TPX2: variants seen among roughly 807,000 people sequenced by gnomAD.
The protein encoded by TPX2 is targeting protein for Xklp2.
Under a neutral mutation model 93.6 loss-of-function variants are expected in TPX2, and 21 were observed. The observed-to-expected ratio is 0.22, with a 90% confidence interval of 0.16 to 0.32. The LOEUF (loss-of-function observed/expected upper bound fraction) is 0.32, where lower values mean the gene tolerates loss of function less well. Among genes scored for constraint, TPX2 ranks in the 10% least tolerant of loss-of-function variants. The pLI is 1.00. For synonymous variants in TPX2, 281 were observed against 298.3 expected (o/e 0.94, Z 0.60); for missense variants, 776 against 871.1 (o/e 0.89, Z 1.37).
At chr20:31,789,631 A>C (rs1028861851) in intron 12 of TPX2, among the ~76,000 whole-genome samples, 10 of 151,716 alleles carry the variant, frequency 6.6e-5, no homozygotes, top group African/African-American at 2.2e-4. Context: ...ACAAAAAAAA[A>C]CTTTCTTTGT....
chr20:31,772,240 C>T (rs530672530), intron 7 of TPX2, among the ~76,000 whole-genome samples: 73 of 152,162 alleles, frequency 4.8e-4, no homozygotes, highest in South Asian at 3.1e-3. Flanking sequence ...AGGCTGGTCT[C>T]GAATTCCTGA....
At chr20:31,783,611 A>G (rs1318000778) in intron 11 of TPX2, 94 bp from the exon 12 acceptor site, 22 of 1,201,170 alleles carry the variant, frequency 1.8e-5, no homozygotes, top group Non-Finnish European at 2.4e-5. Context: ...CATAATCTTA[A>G]TGATTACTAT....
In TPX2 at chr20:31,797,415, A is replaced by T. The variant is rs767802961; in HGVS notation, c.1845A>T (p.Glu615Asp). ...AQTWKHQLEE[E>D]LRQQKEAACF... ...TTTCTCTCTAATAGCTGGAAGAAGA[A>T]CTGAGACAGCAGAAAGAAGCAGCTT... The change falls in exon 16 of 18, where the codon GAA becomes GAT. Residue 615 changes from glutamate (E) to aspartate (D), a missense_variant. By Grantham distance (45) the Glu-to-Asp change is conservative. Coordinates refer to ENST00000300403, the MANE Select transcript of TPX2 (RefSeq NM_012112.5). The T allele has an allele frequency of 1.2e-5, 19 of 1,614,112 alleles. No individual in the cohort carries two copies. The East Asian group carries it at 4.2e-4, about 36-fold the overall frequency.
intron 15 of TPX2, among the ~76,000 whole-genome samples, chr20:31,795,324 A>G (rs112703794): frequency 3.6e-4 from 55 of 152,120 alleles, no homozygotes; most frequent in African/African-American, 1.3e-3. Context: ...AGTAGAGACA[A>G]GGTTTTGCCA....
At chr20:31,791,018 C>T (rs893526060) in intron 12 of TPX2, among the ~76,000 whole-genome samples, 8 of 151,928 alleles carry the variant, frequency 5.3e-5, no homozygotes, top group South Asian at 2.1e-4. Context: ...TTCAAGCAGC[C>T]GGGGCATTTC....
rs533460809 is a variant in TPX2 at position 31,789,530 on chromosome 20, A to G, written c.1414-3205A>G. On this transcript the variant is annotated intron_variant, in intron 12 of 17. Transcript: ENST00000300403. ...TTACTACGGGGTCTTCTAGTAGGTG[A>G]TATGGGAAGACAAAAGAATGCAAAT... Among the ~76,000 whole-genome samples, 11 of 152,286 alleles carry G rather than the reference A, an allele frequency of 7.2e-5. No homozygotes were observed. In the East Asian group the frequency reaches 2.1e-3, roughly 29 times the overall value.
At chr20:31,786,727 A>T (rs1353503809) in intron 12 of TPX2, among the ~76,000 whole-genome samples, 1 of 152,162 alleles carries the variant, frequency 6.6e-6, no homozygotes, top group East Asian at 1.9e-4. Context: ...GAAAACACTG[A>T]TTAGGAAATT....
intron 13 of TPX2, 32 bp downstream of exon 13, chr20:31,792,862 C>A (rs2062111412): frequency 3.2e-6 from 5 of 1,579,630 alleles, no homozygotes; most frequent in African/African-American, 2.7e-5. Flanking sequence ...GGTTCTTTTT[C>A]CTTCTATATA....
intron 3 of TPX2, among the ~76,000 whole-genome samples, chr20:31,759,503 G>A (rs985591314): frequency 1.3e-5 from 2 of 148,264 alleles, no homozygotes; most frequent in African/African-American, 2.5e-5. Context: ...AGGTTCAAGC[G>A]ATTCCCCTGC....
intron 12 of TPX2, among the ~76,000 whole-genome samples, chr20:31,791,282 G>T (rs1368916596): frequency 1.3e-5 from 2 of 152,204 alleles, no homozygotes; most frequent in South Asian, 4.1e-4. Flanking sequence ...AGCCATTAAA[G>T]AATTAATTTT....
chr20:31,755,441 T>A (rs536437414), intron 2 of TPX2, among the ~76,000 whole-genome samples: 2 of 152,224 alleles, frequency 1.3e-5, no homozygotes, highest in South Asian at 4.1e-4. Flanking sequence ...TCTACCTCCC[T>A]TCTAAGATAC....
At chr20:31,790,034 G>C (rs574057995) in intron 12 of TPX2, among the ~76,000 whole-genome samples, 1 of 152,202 alleles carries the variant, frequency 6.6e-6, no homozygotes, top group Non-Finnish European at 1.5e-5. Flanking sequence ...AGACAGACCC[G>C]TGGCTTCTTG....
At chr20:31,773,569 T>C (rs528431682) in intron 7 of TPX2, among the ~76,000 whole-genome samples, 1 of 152,234 alleles carries the variant, frequency 6.6e-6, no homozygotes, top group Admixed American at 6.5e-5. Flanking sequence ...TGGGTATAGG[T>C]GTGAGCCACC....
intron 1 of TPX2, among the ~76,000 whole-genome samples, chr20:31,740,564 T>C (rs2061747573): frequency 2.0e-5 from 3 of 152,224 alleles, no homozygotes; most frequent in Admixed American, 2.0e-4. Context: ...TTGAGGGTAC[T>C]GTGCTCAGAT....
chr20:31,764,521 T>C (rs1464803592), intron 4 of TPX2, among the ~76,000 whole-genome samples: 1 of 152,204 alleles, frequency 6.6e-6, no homozygotes, highest in Non-Finnish European at 1.5e-5. Flanking sequence ...TTCTGTGCTC[T>C]GAAACCTACT....
At chr20:31,746,073 C>T (rs1182726943) in intron 2 of TPX2, among the ~76,000 whole-genome samples, 4 of 152,162 alleles carry the variant, frequency 2.6e-5, no homozygotes, top group South Asian at 4.1e-4. Context: ...GAACAAGTGT[C>T]CATGTGTCCT....
At chr20:31,759,046 A>T (rs932775920) in intron 3 of TPX2, among the ~76,000 whole-genome samples, 5 of 152,258 alleles carry the variant, frequency 3.3e-5, no homozygotes, top group African/African-American at 1.2e-4. Context: ...CTTTTGGCTA[A>T]CAAAACTACC....
chr20:31,801,195 ACCTACCCGTGC>A lies in TPX2; in HGVS notation c.*117_*127del, dbSNP rs2123109407. The A allele has an allele frequency of 2.3e-6, 2 of 859,872 alleles. No homozygotes were observed. Among genetic ancestry groups the A allele is most frequent in the East Asian group, 5.1e-5 (2 of 39,268 alleles). The allele number at this position is 859,872 out of a possible 1,614,324, so 53.3% of individuals were successfully genotyped here. ...AGAGAACCCATTTCTCCAGACTTTTACCTACCCGTGCCTGAGAAAGCATACTTGACAACTGT... is the reference window on the plus strand; with the variant it reads ...AGAGAACCCATTTCTCCAGACTTTTACTGAGAAAGCATACTTGACAACTGT... On this transcript the variant is annotated 3_prime_UTR_variant, in exon 18 of 18. Coordinates refer to ENST00000300403, the MANE Select transcript of TPX2 (RefSeq NM_012112.5).
intron 12 of TPX2, among the ~76,000 whole-genome samples, chr20:31,786,738 G>T (rs915546948): frequency 3.9e-5 from 6 of 152,104 alleles, no homozygotes; most frequent in African/African-American, 1.4e-4. Context: ...TTAGGAAATT[G>T]GTTTGTCAGT....
Sources: allele counts gnomAD v4.1 joint callset (sites outside exome capture counted in the v4.1 genomes callset), GRCh38; gene constraint gnomAD v4.1.1; transcripts MANE v1.5; gene names NCBI Gene and HGNC (gene_info 2026-07-23, HGNC 2026-07-21).